DGCR2: variants seen among roughly 807,000 people sequenced by gnomAD.
The protein encoded by DGCR2 is DiGeorge syndrome critical region gene 2, also known as integral membrane protein DGCR2/IDD.
A neutral mutation model predicts 51.6 loss-of-function variants in DGCR2; 24 were observed. That is an observed-to-expected ratio of 0.47 (90% CI 0.34 to 0.65). The LOEUF (loss-of-function observed/expected upper bound fraction) is 0.65, where lower values mean the gene tolerates loss of function less well. DGCR2 is among the 30% of genes least tolerant of loss of function. The probability of loss-of-function intolerance (pLI) is 0.01; values close to 1 mark genes in which losing one functional copy is unlikely to be tolerated. For missense variants in DGCR2, 765 were observed against 772.1 expected (o/e 0.99, Z 0.11); for synonymous variants, 340 against 315.4 (o/e 1.08, Z -0.82).
intron 3 of DGCR2, among the ~76,000 whole-genome samples, chr22:19,067,240 C>T (rs2082759867): frequency 6.6e-6 from 1 of 152,212 alleles, no homozygotes; most frequent in Non-Finnish European, 1.5e-5. Context: ...GGTCCACAGC[C>T]GCTGCTCAGC....
chr22:19,057,629 G>C lies in DGCR2; in HGVS notation c.626-467C>G, dbSNP rs2082617821. Reference sequence around the variant, plus strand: ...CTTACAAAGTCCACCCAACACCCAGGAGAAAGGCGCCGTCAGGCAGCATTG... The same window carrying C: ...CTTACAAAGTCCACCCAACACCCAGCAGAAAGGCGCCGTCAGGCAGCATTG... On this transcript the variant is annotated intron_variant, in intron 5 of 9. Transcript: ENST00000263196. This position sits in a 1 kb window ranked among gnomAD's most constrained non-coding sequence, Gnocchi z 5.1. Among the ~76,000 whole-genome samples, 1 of 152,182 alleles carries C rather than the reference G, an allele frequency of 6.6e-6. No individual in the cohort carries two copies. The highest frequency in any genetic ancestry group is 1.5e-5 in the Non-Finnish European group (1 of 68,032).
chr22:19,121,316 A>C (rs2083429607), intron 1 of DGCR2, among the ~76,000 whole-genome samples: 1 of 152,248 alleles, frequency 6.6e-6, no homozygotes, highest in African/African-American at 2.4e-5. Flanking sequence ...AAAAAAATAA[A>C]ATAACATTCG....
At chr22:19,114,584 AG>A (rs1197416421) in intron 1 of DGCR2, among the ~76,000 whole-genome samples, 1 of 152,250 alleles carries the variant, frequency 6.6e-6, no homozygotes, top group Non-Finnish European at 1.5e-5. Context: ...CCTAAGAAGC[AG>A]CCAGTGGCAC....
intron 5 of DGCR2, among the ~76,000 whole-genome samples, chr22:19,062,802 C>CTCTCTCTCTCTCTCTCTCTA (rs1247339878): frequency 6.7e-6 from 1 of 148,546 alleles, no homozygotes; most frequent in African/African-American, 2.4e-5. Context: ...CTCTCTCTCT[C>CTCTCTCTCTCTCTCTCTCTA]TCTCTATCTG....
chr22:19,109,049 ACCT>A (rs907916298), intron 1 of DGCR2, among the ~76,000 whole-genome samples: 26 of 151,830 alleles, frequency 1.7e-4, no homozygotes, highest in African/African-American at 6.3e-4. Flanking sequence ...GAAAAAAAAA[ACCT>A]CCTTAATCAT....
chr22:19,056,391 G>A (rs764695110), intron 6 of DGCR2: 18 of 416,256 alleles, frequency 4.3e-5, no homozygotes, highest in Middle Eastern at 7.0e-4. Context: ...CACATGATCC[G>A]CAAGAACAAA....
intron 1 of DGCR2, among the ~76,000 whole-genome samples, chr22:19,106,245 C>G (rs972492242): frequency 6.6e-6 from 1 of 152,204 alleles, no homozygotes; most frequent in African/African-American, 2.4e-5. Context: ...GAGAAAATTA[C>G]TCCAACAATG....
intron 1 of DGCR2, among the ~76,000 whole-genome samples, chr22:19,119,244 T>C (rs963079235): frequency 6.6e-6 from 1 of 152,174 alleles, no homozygotes; most frequent in Non-Finnish European, 1.5e-5. Context: ...CACGGGTGCA[T>C]GATGGGGGGA....
chr22:19,052,277 G>A (rs1488696454), intron 6 of DGCR2, among the ~76,000 whole-genome samples: 1 of 149,858 alleles, frequency 6.7e-6, no homozygotes, highest in Non-Finnish European at 1.5e-5. Flanking sequence ...TTAGCTGGGC[G>A]TAGTGGCACA....
At chr22:19,092,897 AGAG>A (rs10570617) in intron 1 of DGCR2, among the ~76,000 whole-genome samples, 62,793 of 150,524 alleles carry the variant, frequency 0.42, 13,234 homozygotes, top group African/African-American at 0.5. Context: ...AGAAAAATGA[AGAG>A]GAGGAGGAGG....
intron 1 of DGCR2, among the ~76,000 whole-genome samples, chr22:19,094,472 A>C (rs1411398432): frequency 6.6e-6 from 1 of 152,258 alleles, no homozygotes; most frequent in African/African-American, 2.4e-5. Flanking sequence ...ACCACTTACT[A>C]GAATGGCTAA....
intron 4 of DGCR2, among the ~76,000 whole-genome samples, chr22:19,063,778 G>A (rs944947795): frequency 9.9e-5 from 15 of 152,088 alleles, no homozygotes; most frequent in South Asian, 2.1e-4. Context: ...GAGCTAAACC[G>A]GTAAAGCTTT....
chr22:19,076,724 A>ATTTCT (rs2082880844), intron 2 of DGCR2, among the ~76,000 whole-genome samples: 1 of 79,936 alleles, frequency 1.3e-5, no homozygotes, highest in Non-Finnish European at 2.2e-5. Context: ...TCCTTTGCAC[A>ATTTCT]TTTTTTTTTT....
intron 1 of DGCR2, among the ~76,000 whole-genome samples, chr22:19,097,575 A>G (rs2083156169): frequency 6.6e-6 from 1 of 152,162 alleles, no homozygotes; most frequent in African/African-American, 2.4e-5. Flanking sequence ...AAGCTTCCTG[A>G]GGGCACAGGT....
At chr22:19,048,695 C>T (rs776644201) in intron 6 of DGCR2, 52 bp from the exon 7 acceptor site, 1 of 1,589,500 alleles carries the variant, frequency 6.3e-7, no homozygotes, top group Non-Finnish European at 8.6e-7. Flanking sequence ...AAAAAGGTAG[C>T]CTCCCCGTGT....
intron 7 of DGCR2, chr22:19,046,114 G>C (rs1214499442): frequency 6.6e-6 from 1 of 152,152 alleles, no homozygotes; most frequent in Non-Finnish European, 1.5e-5. Flanking sequence ...CTATAATTTG[G>C]GAAGAGCTAA....
At chr22:19,119,553 T>A (rs1052028912) in intron 1 of DGCR2, among the ~76,000 whole-genome samples, 4 of 151,986 alleles carry the variant, frequency 2.6e-5, no homozygotes, top group Non-Finnish European at 5.9e-5. Flanking sequence ...CCGGCCAACA[T>A]GGCAAAACCC....
chr22:19,090,753 A>C (rs2083069236), intron 1 of DGCR2, among the ~76,000 whole-genome samples: 1 of 152,174 alleles, frequency 6.6e-6, no homozygotes, highest in Non-Finnish European at 1.5e-5. Context: ...CTAAAATAAC[A>C]CAAGAGTTGT....
At chr22:19,086,704 C>G (rs901698452) in intron 2 of DGCR2, among the ~76,000 whole-genome samples, 1 of 152,066 alleles carries the variant, frequency 6.6e-6, no homozygotes, top group African/African-American at 2.4e-5. Flanking sequence ...GTGCAGGCCA[C>G]CACTCGTAAC....
Sources: allele counts gnomAD v4.1 joint callset (sites outside exome capture counted in the v4.1 genomes callset), GRCh38; gene constraint gnomAD v4.1.1; non-coding constraint Gnocchi (gnomAD v3.1); transcripts MANE v1.5; gene names NCBI Gene and HGNC (gene_info 2026-07-23, HGNC 2026-07-21).